The following PHLPP1 variants were observed in gnomAD, a reference collection of about 807,000 sequenced individuals.
PHLPP1 encodes the protein PH domain leucine-rich repeat-containing protein phosphatase 1.
A neutral mutation model predicts 117.2 loss-of-function variants in PHLPP1; 42 were observed. The ratio of observed to expected loss-of-function variants is 0.36; its 90% CI spans 0.28 to 0.46. The LOEUF is 0.46. PHLPP1 is among the 20% of genes least tolerant of loss of function. The pLI is 1.00. For missense variants in PHLPP1, 2,084 were observed against 2,241.9 expected (o/e 0.93, Z 1.42); for synonymous variants, 1,042 against 970.7 (o/e 1.07, Z -1.37).
chr18:62,860,293 A>G (rs1215287812), intron 3 of PHLPP1, 142 bp from the exon 4 acceptor site: 2 of 679,112 alleles, frequency 2.9e-6, no homozygotes, highest in African/African-American at 3.6e-5. Context: ...ACATGACTGA[A>G]TACTCTGTTG....
chr18:62,826,184 C>G, intron 1 of PHLPP1: 1 of 336,474 alleles, frequency 3.0e-6, no homozygotes, highest in Non-Finnish European at 5.9e-6. Context: ...AGGTCCATTG[C>G]TTTCATCATA....
intron 1 of PHLPP1, among the ~76,000 whole-genome samples, chr18:62,796,455 C>T (rs1599052065): frequency 1.3e-5 from 2 of 152,306 alleles, no homozygotes; most frequent in East Asian, 3.9e-4. Context: ...AAAAGAAAGA[C>T]TTTGAACCTA....
At chr18:62,905,418 T>C (rs1916822403) in intron 8 of PHLPP1, 134 bp downstream of exon 8, 2 of 426,028 alleles carry the variant, frequency 4.7e-6, no homozygotes, top group East Asian at 7.2e-5. Flanking sequence ...TACTTTATTC[T>C]CTAAAATTAT....
intron 1 of PHLPP1, among the ~76,000 whole-genome samples, chr18:62,754,558 G>A (rs1911954134): frequency 6.6e-6 from 1 of 152,218 alleles, no homozygotes; most frequent in African/African-American, 2.4e-5. Flanking sequence ...GGAGCATCAT[G>A]GAAAGGACTA....
chr18:62,870,192 G>A (rs1473662406), intron 4 of PHLPP1, among the ~76,000 whole-genome samples: 4 of 152,026 alleles, frequency 2.6e-5, no homozygotes, highest in Admixed American at 6.6e-5. Context: ...CACTGTGCCC[G>A]GCCACCAGTT....
At chr18:62,867,898 G>A (rs1915806584) in intron 4 of PHLPP1, among the ~76,000 whole-genome samples, 1 of 151,744 alleles carries the variant, frequency 6.6e-6, no homozygotes, top group Admixed American at 6.6e-5. Context: ...TGCAAGCTCC[G>A]CCTCCCAGAT....
At chr18:62,872,556 G>T (rs1301871230) in intron 4 of PHLPP1, among the ~76,000 whole-genome samples, 1 of 151,578 alleles carries the variant, frequency 6.6e-6, no homozygotes, top group Admixed American at 6.6e-5. Context: ...AGCCAGTGTG[G>T]TGGTGGGTGC....
At chr18:62,951,903 C>T (rs1910470873) in intron 12 of PHLPP1, among the ~76,000 whole-genome samples, 1 of 150,534 alleles carries the variant, frequency 6.6e-6, no homozygotes, top group African/African-American at 2.4e-5. Flanking sequence ...CAAGCTCTGC[C>T]TCCCGGGTTC....
At chr18:62,823,592 T>TA (rs138638339) in intron 1 of PHLPP1, among the ~76,000 whole-genome samples, 67 of 147,266 alleles carry the variant, frequency 4.5e-4, no homozygotes, top group African/African-American at 1.7e-3. Context: ...TCTACATATA[T>TA]TATATATCTA....
At chr18:62,781,629 A>G (rs1913121450) in intron 1 of PHLPP1, among the ~76,000 whole-genome samples, 1 of 152,108 alleles carries the variant, frequency 6.6e-6, no homozygotes, top group Non-Finnish European at 1.5e-5. Flanking sequence ...GATTAGAGGT[A>G]TATCTCTACC....
chr18:62,823,822 A>C (rs1190119049), intron 1 of PHLPP1, among the ~76,000 whole-genome samples: 1 of 152,118 alleles, frequency 6.6e-6, no homozygotes, highest in Non-Finnish European at 1.5e-5. Flanking sequence ...CTACATATGC[A>C]CTAGAATGGC....
At chr18:62,924,839 A>G (rs1487201533) in intron 10 of PHLPP1, among the ~76,000 whole-genome samples, 1 of 149,798 alleles carries the variant, frequency 6.7e-6, no homozygotes, top group Non-Finnish European at 1.5e-5. Flanking sequence ...ACCGTGTCTC[A>G]AAAAATGAAA....
intron 1 of PHLPP1, among the ~76,000 whole-genome samples, chr18:62,767,688 C>T (rs984299429): frequency 6.6e-6 from 1 of 152,166 alleles, no homozygotes; most frequent in Non-Finnish European, 1.5e-5. Flanking sequence ...TATTTGATTG[C>T]ATTTCTAAAT....
chr18:62,938,209 T>C (rs988949141), intron 10 of PHLPP1, among the ~76,000 whole-genome samples: 11 of 152,206 alleles, frequency 7.2e-5, no homozygotes, highest in Non-Finnish European at 1.5e-4. Flanking sequence ...GTATACTTAT[T>C]ACAAAATTCT....
chr18:62,924,707 G>A (rs1197417004), intron 10 of PHLPP1, among the ~76,000 whole-genome samples: 23 of 145,760 alleles, frequency 1.6e-4, no homozygotes, highest in Middle Eastern at 3.5e-3. Flanking sequence ...AAAGTCAGGT[G>A]TGGTGGCACA....
At position 62,963,491 on chromosome 18, in the gene PHLPP1, T is replaced by C. The variant is rs769718433; in HGVS notation, c.3560+19T>C. 7.2e-6 allele frequency: 11 copies of C among 1,526,458 alleles called. No individual in the cohort carries two copies. Among genetic ancestry groups the C allele is most frequent in the Admixed American group, 1.7e-5 (1 of 57,344 alleles). 94.6% of individuals were successfully genotyped at this position (1,526,458 alleles called of 1,614,324 possible). The stretch of plus-strand genomic sequence containing the variant: ...AAAACAAGTAAGTCAGATGAAACTT[T>C]AGAGGAAGAAGTGCCTCCTGCCTGT... On this transcript the variant is annotated intron_variant, in intron 14 of 16. Transcript: ENST00000262719.
At chr18:62,964,937 A>G (rs1462094021) in intron 14 of PHLPP1, among the ~76,000 whole-genome samples, 1 of 152,182 alleles carries the variant, frequency 6.6e-6, no homozygotes, top group African/African-American at 2.4e-5. Context: ...CCCTTCCACA[A>G]TTGTGTCACA....
At chr18:62,766,320 A>G (rs540431413) in intron 1 of PHLPP1, among the ~76,000 whole-genome samples, 49 of 151,178 alleles carry the variant, frequency 3.2e-4, no homozygotes, top group African/African-American at 9.7e-4. Flanking sequence ...GCATGCTTGT[A>G]TGGGATGGGC....
chr18:62,765,087 A>G (rs182812147), intron 1 of PHLPP1, among the ~76,000 whole-genome samples: 280 of 152,266 alleles, frequency 1.8e-3, no homozygotes, highest in African/African-American at 6.6e-3. Context: ...AGTTAATACT[A>G]TTATATCCTC....
Sources: allele counts gnomAD v4.1 joint callset (sites outside exome capture counted in the v4.1 genomes callset), GRCh38; gene constraint gnomAD v4.1.1; transcripts MANE v1.5; gene names NCBI Gene and HGNC (gene_info 2026-07-23, HGNC 2026-07-21).